The following TULP4 variants were observed in gnomAD, a reference collection of about 807,000 sequenced individuals.
The protein encoded by TULP4 is TUB like protein 4.
In TULP4, 16 loss-of-function variants were observed where a neutral mutation model predicts 129.0. That is an observed-to-expected ratio of 0.12 (90% confidence interval 0.08 to 0.19). The LOEUF is 0.19. Ranked by LOEUF, TULP4 falls within the 10% of genes least tolerant of loss-of-function variation. The probability of loss-of-function intolerance (pLI) is 1.00; values close to 1 mark genes in which losing one functional copy is unlikely to be tolerated. For synonymous variants in TULP4, 998 were observed against 854.0 expected (o/e 1.17, Z -2.94); for missense variants, 1,842 against 2,059.1 (o/e 0.89, Z 2.04).
chr6:158,314,121 G>A lies in TULP4; in HGVS notation c.105G>A (p.Val35=). The change falls in exon 1 of 14, where the codon GTG becomes GTA. Residue 35 remains valine (V), a synonymous_variant. Coordinates refer to ENST00000367097, the MANE Select transcript of TULP4 (RefSeq NM_020245.5). ...CCAAGAGTGAGAAGGAGAAGCCTGT[G>A]TGCAGGAGACGCTACTATGAGGAAG... is the stretch of plus-strand genomic sequence containing the variant. ...RVPKSEKEKP[V]CRRRYYEEGW... is the part of the protein sequence containing the mutation. 2 of 1,614,222 alleles carry A rather than the reference G, an allele frequency of 1.2e-6. No homozygotes were observed. Among genetic ancestry groups the A allele is most frequent in the Middle Eastern group, 1.6e-4 (1 of 6,062 alleles).
chr6:158,461,903 C>A (rs1321751545), intron 6 of TULP4, among the ~76,000 whole-genome samples, 174 bp downstream of exon 6: 1 of 152,152 alleles, frequency 6.6e-6, no homozygotes, highest in African/African-American at 2.4e-5. Context: ...ATGCTTTATT[C>A]TATTTCCCAG....
At chr6:158,475,292 C>T (rs1043754620) in intron 6 of TULP4, among the ~76,000 whole-genome samples, 3 of 152,250 alleles carry the variant, frequency 2.0e-5, no homozygotes, top group Non-Finnish European at 4.4e-5. Flanking sequence ...TAGAGTTTGT[C>T]CTTTCCAGCT....
intron 1 of TULP4, among the ~76,000 whole-genome samples, chr6:158,303,694 T>G (rs569451083): frequency 1.3e-5 from 2 of 152,176 alleles, no homozygotes; most frequent in Non-Finnish European, 2.9e-5. Flanking sequence ...CTACCTCCCC[T>G]TGAGCACTCA....
intron 8 of TULP4, among the ~76,000 whole-genome samples, chr6:158,485,486 GAGGCTGTTGGACTTCTT>G (rs1220237929): frequency 6.6e-6 from 1 of 152,224 alleles, no homozygotes; most frequent in Non-Finnish European, 1.5e-5. Context: ...AGGAAGGAGA[GAGGCTGTTGGACTTCTT>G]AGCTTTGACC....
At chr6:158,504,458 C>T (rs914949011) in intron 13 of TULP4, among the ~76,000 whole-genome samples, 15 of 151,812 alleles carry the variant, frequency 9.9e-5, no homozygotes, top group Non-Finnish European at 1.9e-4. Flanking sequence ...GCCATTCTCC[C>T]GCCTCAGCCT....
At chr6:158,310,549 G>A (rs1342547121), upstream of TULP4, 1 of 152,074 alleles carries the variant, frequency 6.6e-6, no homozygotes, top group Non-Finnish European at 1.5e-5. Context: ...TCGAACTCCT[G>A]GTGCTACATT....
In TULP4 at chr6:158,501,945, T is replaced by G; in HGVS notation, c.2282T>G (p.Val761Gly). Reference protein sequence around the residue: ...SNPGQVIFGSVEMGRIIQNPP... With the variant: ...SNPGQVIFGSGEMGRIIQNPP... Reference sequence around the variant, plus strand: ...CCTGGACAGGTGATTTTCGGAAGCGTGGAAATGGGCCGCATCATTCAGAAC... The same window carrying G: ...CCTGGACAGGTGATTTTCGGAAGCGGGGAAATGGGCCGCATCATTCAGAAC... Residue 761 changes from valine to glycine, a missense_variant, in exon 13 of 14, where the codon GTG becomes GGG. Val to Gly is a moderately radical substitution (Grantham distance 109). Transcript: ENST00000367097. 6.2e-7 allele frequency: 1 copy of G among 1,613,722 alleles called. No individual in the cohort carries two copies. Among genetic ancestry groups the G allele is most frequent in the Non-Finnish European group, 8.5e-7 (1 of 1,179,902 alleles).
At chr6:158,435,991 T>C (rs1405376820) in intron 3 of TULP4, among the ~76,000 whole-genome samples, 2 of 152,246 alleles carry the variant, frequency 1.3e-5, no homozygotes, top group East Asian at 3.9e-4. Context: ...CTCGGCTCAC[T>C]GCAACCTCCG....
chr6:158,369,299 G>A lies in TULP4; in HGVS notation c.253-43766G>A, dbSNP rs567813337. On this transcript the variant is annotated intron_variant, in intron 1 of 13. Coordinates refer to ENST00000367097, the MANE Select transcript of TULP4 (RefSeq NM_020245.5). ...GCTTGAGCCTAGGAGTTTGAGACCA[G>A]ACTAGGCAACATAGTGAGACCCTGT... Among the ~76,000 whole-genome samples, 6 of 152,194 alleles carry A rather than the reference G, an allele frequency of 3.9e-5. No individual in the cohort carries two copies. In the East Asian group the frequency reaches 1.2e-3, roughly 29 times the overall value.
intron 1 of TULP4, among the ~76,000 whole-genome samples, chr6:158,274,825 C>T (rs947600329): frequency 6.6e-5 from 10 of 152,204 alleles, no homozygotes; most frequent in Non-Finnish European, 1.2e-4. Context: ...TCCCACTGCA[C>T]TCCGAATAAA....
At chr6:158,412,716 A>G (rs1001713921) in intron 1 of TULP4, among the ~76,000 whole-genome samples, 8 of 152,204 alleles carry the variant, frequency 5.3e-5, no homozygotes, top group Admixed American at 2.0e-4. Context: ...ATTCAAATCC[A>G]TAGTAAATGT....
At chr6:158,497,012 A>C (rs1780350707) in intron 11 of TULP4, among the ~76,000 whole-genome samples, 1 of 152,298 alleles carries the variant, frequency 6.6e-6, no homozygotes, top group Admixed American at 6.5e-5. Flanking sequence ...CACCATGCCC[A>C]GCTAATTTTT....
rs183304304 is a variant in TULP4 at position 158,243,030 on chromosome 6, G to A, written n.68+10727G>A. Among the ~76,000 whole-genome samples, 358 of 152,154 alleles carry A rather than the reference G, an allele frequency of 2.4e-3. 1 individual carries two copies. Among genetic ancestry groups the A allele is most frequent in the Non-Finnish European group, 4.0e-3 (271 of 68,014 alleles). On this transcript the variant is annotated intron_variant and non_coding_transcript_variant, in intron 1 of 1. Coordinates refer to the TULP4 transcript ENST00000620026. ...TCTCGAACTCCTGACTTCGTGATCCGCCCGCCTCGGCCTCCCAAAGTGCTG... is the reference window on the plus strand; with the variant it reads ...TCTCGAACTCCTGACTTCGTGATCCACCCGCCTCGGCCTCCCAAAGTGCTG...
intron 12 of TULP4, among the ~76,000 whole-genome samples, chr6:158,499,458 C>T (rs2128261490): frequency 6.6e-6 from 1 of 152,282 alleles, no homozygotes; most frequent in Non-Finnish European, 1.5e-5. Context: ...ATGTGTTTCC[C>T]AGTGGGGGGA....
At chr6:158,278,503 G>A (rs552041017), upstream of TULP4, among the ~76,000 whole-genome samples, 2 of 151,428 alleles carry the variant, frequency 1.3e-5, no homozygotes, top group South Asian at 2.1e-4. Flanking sequence ...TAAATTGATC[G>A]AAAAGCTTAA....
At chr6:158,442,082 A>G (rs1161994991) in intron 3 of TULP4, among the ~76,000 whole-genome samples, 5 of 151,964 alleles carry the variant, frequency 3.3e-5, no homozygotes, top group Non-Finnish European at 7.4e-5. Context: ...AGCAGTTATT[A>G]TGGATTAAAT....
Position 158,413,905 on chromosome 6 carries a change from A to G in TULP4, c.381+712A>G, listed in dbSNP as rs1460014157. On this transcript the variant is annotated intron_variant, in intron 2 of 13. Transcript: ENST00000367097. This position sits in a 1 kb window ranked among gnomAD's most constrained non-coding sequence, Gnocchi z 4.9. ...GAACCTGAATCCTCAGGGGATGTCA[A>G]TTAATAATTAATGAGGGGTTTCTTG... Among the ~76,000 whole-genome samples, 2 of 152,222 alleles carry G rather than the reference A, an allele frequency of 1.3e-5. No individual in the cohort carries two copies. Among genetic ancestry groups the G allele is most frequent in the Admixed American group, 6.5e-5 (1 of 15,284 alleles).
intron 13 of TULP4, among the ~76,000 whole-genome samples, chr6:158,505,755 C>G (rs1213876546): frequency 6.6e-6 from 1 of 152,174 alleles, no homozygotes; most frequent in Non-Finnish European, 1.5e-5. Flanking sequence ...TGCTACTTCT[C>G]TTCTGGAGCC....
chr6:158,493,441 C>A lies in TULP4; in HGVS notation c.1632-132C>A. The A allele has an allele frequency of 1.1e-6, 1 of 894,202 alleles. No homozygotes were observed. The highest frequency in any genetic ancestry group is 1.6e-6 in the Non-Finnish European group (1 of 643,290). The allele number at this position is 894,202 out of a possible 1,614,324, so 55.4% of individuals were successfully genotyped here. A position where few individuals can be genotyped will look rare whatever the true frequency, so the allele number is the denominator to read the frequency against. ...AGCAAGGGGAGAGCTTTGTTAAATT[C>A]GGGCACTGGCTGCAGGGTGAGAACC... On this transcript the variant is annotated intron_variant, in intron 9 of 13. Transcript: ENST00000367097. This position sits in a 1 kb window ranked among gnomAD's most constrained non-coding sequence, Gnocchi z 4.4.
Sources: gnomAD v4.1 joint callset for allele counts (sites outside exome capture counted in the v4.1 genomes callset) on GRCh38, gnomAD v4.1.1 for gene constraint, Gnocchi (gnomAD v3.1) non-coding constraint, MANE v1.5 for transcripts, NCBI Gene and HGNC (gene_info 2026-07-23, HGNC 2026-07-21) for gene names.